The following CCNDBP1 variants were observed in gnomAD, a reference collection of about 807,000 sequenced individuals.
CCNDBP1 encodes the protein cyclin-D1-binding protein 1.
A neutral mutation model predicts 46.2 loss-of-function variants in CCNDBP1; 45 were observed. The ratio of observed to expected loss-of-function variants is 0.97; its 90% CI spans 0.77 to 1.25. The LOEUF is 1.25. Ranked by LOEUF, CCNDBP1 falls within the 50% of genes most tolerant of loss-of-function variation. The pLI, the probability that CCNDBP1 is intolerant of heterozygous loss-of-function variation, is 0.00. For synonymous variants in CCNDBP1, 154 were observed against 163.6 expected, an observed-to-expected ratio of 0.94 and a Z score of 0.45; for missense variants, 436 against 442.1, an observed-to-expected ratio of 0.99 and a Z score of 0.12.
rs770699234 is a variant in CCNDBP1 at position 43,185,528 on chromosome 15, A to G, written c.30A>G (p.Ala10=). ...CGAGCGCAACTGCACCTGCAGCCGCAGTCCCCACCCTGGCTTCGCCTTTGG... is the reference window on the plus strand; with the variant it reads ...CGAGCGCAACTGCACCTGCAGCCGCGGTCCCCACCCTGGCTTCGCCTTTGG... MASATAPAA[A]VPTLASPLEQ... The change falls in exon 1 of 11, where the codon GCA becomes GCG. Residue 10 remains alanine (A), a synonymous_variant. Coordinates refer to ENST00000300213, the MANE Select transcript of CCNDBP1 (RefSeq NM_012142.5). 1 of 1,596,954 alleles carries G rather than the reference A, an allele frequency of 6.3e-7. No individual in the cohort carries two copies. Among genetic ancestry groups the G allele is most frequent in the African/African-American group, 1.3e-5 (1 of 74,752 alleles).
Position 43,195,902 on chromosome 15 carries a change from A to AGT in CCNDBP1, c.*1061_*1062insGT, listed in dbSNP as rs2042032553. 1 of 152,208 alleles carries AGT rather than the reference A, an allele frequency of 6.6e-6. No homozygotes were observed. The highest frequency in any genetic ancestry group is 1.5e-5 in the Non-Finnish European group (1 of 68,036). 9.4% of individuals were successfully genotyped at this position (152,208 alleles called of 1,614,324 possible). A position where few individuals can be genotyped will look rare whatever the true frequency, so the allele number is the denominator to read the frequency against. On this transcript the variant is annotated 3_prime_UTR_variant, in exon 11 of 11. Coordinates refer to ENST00000300213, the MANE Select transcript of CCNDBP1 (RefSeq NM_012142.5). Reference sequence around the variant, plus strand: ...TTGGGGTTGAAATTCCTTAAGCCAAATGAGTTTTAGCTTACTGTTTTGAAG... The same window carrying AGT: ...TTGGGGTTGAAATTCCTTAAGCCAAAGTTGAGTTTTAGCTTACTGTTTTGAAG...
chr15:43,194,687 C>T (rs1330572839), intron 10 of CCNDBP1, 40 bp from the exon 11 acceptor site: 1 of 1,458,366 alleles, frequency 6.9e-7, no homozygotes, highest in Admixed American at 1.7e-5. Flanking sequence ...CCTTGACATC[C>T]TAATAAGTTT....
Position 43,189,179 on chromosome 15 carries a change from ATC to A in CCNDBP1, c.250-18_250-17del, listed in dbSNP as rs1567262571. 1.3e-6 allele frequency: 2 copies of A among 1,513,764 alleles called. No homozygotes were observed. Among genetic ancestry groups the A allele is most frequent in the Admixed American group, 1.7e-5 (1 of 58,678 alleles). The allele number at this position is 1,513,764 out of a possible 1,614,324, so 93.8% of individuals were successfully genotyped here. On this transcript the variant is annotated intron_variant, in intron 3 of 10. Transcript: ENST00000300213. ...CAGAAGGGTTGACCACTTTGATCTA[ATC>A]TGTTTCCTTTTTCATAGGAAACCCA...
Position 43,192,960 on chromosome 15 carries a change from T to C in CCNDBP1, c.921+157T>C, listed in dbSNP as rs554465427. The stretch of plus-strand genomic sequence containing the variant: ...AGTTCTTGCATGCGTTTGGGGTTGA[T>C]AAATATTCACTGAAGTTGAATTATA... On this transcript the variant is annotated intron_variant, in intron 9 of 10. Coordinates refer to ENST00000300213, the MANE Select transcript of CCNDBP1 (RefSeq NM_012142.5). 6.1e-6 allele frequency: 4 copies of C among 651,970 alleles called. No individual in the cohort carries two copies. In the South Asian group the frequency reaches 7.6e-5, roughly 12 times the overall value. 40.4% of individuals were successfully genotyped at this position (651,970 alleles called of 1,614,324 possible). A position where few individuals can be genotyped will look rare whatever the true frequency, so the allele number is the denominator to read the frequency against.
At chr15:43,193,044 A>T in intron 9 of CCNDBP1, 2 of 526,474 alleles carry the variant, frequency 3.8e-6, no homozygotes, top group Non-Finnish European at 6.8e-6. Context: ...CATTCAGAAA[A>T]GCCCAAAGGC....
At chr15:43,191,127 C>T (rs1245137549) in intron 7 of CCNDBP1, 85 bp downstream of exon 7, 9 of 1,118,750 alleles carry the variant, frequency 8.0e-6, no homozygotes, top group Non-Finnish European at 1.2e-5. Context: ...GAGCATTGAC[C>T]AGATAGGTCC....
Position 43,189,222 on chromosome 15 carries a change from A to C in CCNDBP1, c.273A>C (p.Gln91His). Residue 91 changes from glutamine (Q) to histidine (H), a missense_variant, in exon 4 of 11, where the codon CAA becomes CAC. Physicochemically the swap from Gln to His is conservative, Grantham distance 24. Transcript: ENST00000300213. The stretch of plus-strand genomic sequence containing the variant: ...AGGAAACCCAGAAGTTCTGTGAACA[A>C]GTCCATGCTGCCATCAAGGCATTTA... ...SPQETQKFCE[Q>H]VHAAIKAFIA... 1 of 1,612,576 alleles carries C rather than the reference A, an allele frequency of 6.2e-7. No individual in the cohort carries two copies. Among genetic ancestry groups the C allele is most frequent in the Non-Finnish European group, 8.5e-7 (1 of 1,179,196 alleles).
chr15:43,185,971 T>A, intron 2 of CCNDBP1, 92 bp downstream of exon 2: 1 of 1,283,540 alleles, frequency 7.8e-7, no homozygotes, highest in Non-Finnish European at 1.1e-6. Context: ...AGGGGACTGC[T>A]CTCCCCCGCT....
At chr15:43,187,306 G>C (rs112262051) in intron 3 of CCNDBP1, among the ~76,000 whole-genome samples, 129 of 146,398 alleles carry the variant, frequency 8.8e-4, no homozygotes, top group African/African-American at 3.2e-3. Flanking sequence ...GTCTCTCTCT[G>C]TCACTCAGGC....
chr15:43,186,175 C>G lies in CCNDBP1; in HGVS notation c.191C>G (p.Ser64Ter). 2 of 1,614,144 alleles carry G rather than the reference C, an allele frequency of 1.2e-6. No individual in the cohort carries two copies. The highest frequency in any genetic ancestry group is 1.7e-5 in the Admixed American group (1 of 60,032). Residue 64 changes from serine (S) to a stop codon, truncating the protein, a stop_gained, in exon 3 of 11, where the codon TCA becomes TGA. Coordinates refer to ENST00000300213, the MANE Select transcript of CCNDBP1 (RefSeq NM_012142.5). LOFTEE classifies it high-confidence loss of function. ...CCAGATGAGGCAGCTGTGACTGTGT[C>G]AAGGGAAGCCACGACTCTGACCATA... ...RRLNEAAVTV[S>*]REATTLTIVF...
At chr15:43,185,776 T>C (rs1442417480) in intron 1 of CCNDBP1, 44 bp from the exon 2 acceptor site, 1 of 1,598,242 alleles carries the variant, frequency 6.3e-7, no homozygotes, top group Non-Finnish European at 8.5e-7. Context: ...TACCTCAGCT[T>C]TTCCATTCGC....
intron 9 of CCNDBP1, chr15:43,194,184 G>A: frequency 2.6e-6 from 1 of 388,062 alleles, no homozygotes; most frequent in Non-Finnish European, 4.6e-6. Context: ...AAATATTTTA[G>A]ATCTAAAAAA....
chr15:43,190,290 G>T lies in CCNDBP1; in HGVS notation c.429-35G>T, dbSNP rs545337462. The T allele has an allele frequency of 3.1e-6, 5 of 1,608,402 alleles. No homozygotes were observed. In the African/African-American group the frequency reaches 5.3e-5, roughly 17 times the overall value. ...AGCTTTTTAGGAGACAGGAACCTAG[G>T]TTATTAATATATCCTTACTGATTTC... On this transcript the variant is annotated intron_variant, in intron 5 of 10. Transcript: ENST00000300213.
chr15:43,191,371 C>G, intron 7 of CCNDBP1, 24 bp from the exon 8 acceptor site: 2 of 661,958 alleles, frequency 3.0e-6, no homozygotes, highest in Non-Finnish European at 4.5e-6. Context: ...TTTTTGCATT[C>G]ACATACATCA....
chr15:43,195,188 C>A lies in CCNDBP1; in HGVS notation c.*347C>A, dbSNP rs575954077. The A allele has an allele frequency of 5.6e-6, 1 of 177,638 alleles. No homozygotes were observed. Among genetic ancestry groups the A allele is most frequent in the African/African-American group, 2.4e-5 (1 of 42,318 alleles). The allele number at this position is 177,638 out of a possible 1,614,324, so 11.0% of individuals were successfully genotyped here. On this transcript the variant is annotated 3_prime_UTR_variant, in exon 11 of 11. Coordinates refer to ENST00000300213, the MANE Select transcript of CCNDBP1 (RefSeq NM_012142.5). ...TGGTCTCAATAAAATGCTAACTTGCCAGTGATTAAATGAGTGCCCTTCCAA... is the reference window on the plus strand; with the variant it reads ...TGGTCTCAATAAAATGCTAACTTGCAAGTGATTAAATGAGTGCCCTTCCAA...
chr15:43,190,048 G>A lies in CCNDBP1; in HGVS notation c.332-7G>A, dbSNP rs1248046918. On this transcript the variant is annotated splice_polypyrimidine_tract_variant and splice_region_variant and intron_variant, in intron 4 of 10. Transcript: ENST00000300213. ...CCAGGTTGCTTATTCTTTGGGTTTG[G>A]CCACAGGGATCACCCTGAGAAAGCT... 3.1e-6 allele frequency: 5 copies of A among 1,613,436 alleles called. No homozygotes were observed. In the Admixed American group the frequency reaches 8.3e-5, roughly 27 times the overall value.
chr15:43,189,374 T>A, intron 4 of CCNDBP1, 94 bp downstream of exon 4: 1 of 669,782 alleles, frequency 1.5e-6, no homozygotes, highest in Non-Finnish European at 2.5e-6. Context: ...CTTGAACATG[T>A]AACTTTCTCC....
intron 10 of CCNDBP1, 56 bp downstream of exon 10, chr15:43,194,517 A>G (rs1481188209): frequency 7.2e-7 from 1 of 1,391,442 alleles, no homozygotes; most frequent in Non-Finnish European, 1.0e-6. Flanking sequence ...ACTGCTGTCC[A>G]GACGTTCTCA....
In CCNDBP1 at chr15:43,194,929, C is replaced by A; in HGVS notation, c.*88C>A. On this transcript the variant is annotated 3_prime_UTR_variant, in exon 11 of 11. Coordinates refer to ENST00000300213, the MANE Select transcript of CCNDBP1 (RefSeq NM_012142.5). ...TTTTAAAATGGAGCTAGAATGCTTG[C>A]TGGATTGAAAGGGAGTGCCTATCTA... is the stretch of plus-strand genomic sequence containing the variant. 1 of 827,232 alleles carries A rather than the reference C, an allele frequency of 1.2e-6. No homozygotes were observed. The highest frequency in any genetic ancestry group is 2.0e-6 in the Non-Finnish European group (1 of 501,560). The allele number at this position is 827,232 out of a possible 1,614,324, so 51.2% of individuals were successfully genotyped here.
Sources: allele counts gnomAD v4.1 joint callset (sites outside exome capture counted in the v4.1 genomes callset), GRCh38; gene constraint gnomAD v4.1.1; transcripts MANE v1.5; gene names NCBI Gene and HGNC (gene_info 2026-07-23, HGNC 2026-07-21).